The following SHC3 variants were observed in gnomAD, a reference collection of about 807,000 sequenced individuals.
SHC3 encodes SHC adaptor protein 3.
SHC3 carries 15 observed loss-of-function variants against 60.4 expected under a neutral mutation model. That is an observed-to-expected ratio of 0.25 (90% CI 0.17 to 0.38). The LOEUF is 0.38. SHC3 is among the 10% of genes least tolerant of loss of function. The probability of loss-of-function intolerance (pLI) is 1.00; values close to 1 mark genes in which losing one functional copy is unlikely to be tolerated. For synonymous variants in SHC3, 294 were observed against 325.9 expected (o/e 0.90, Z 1.05); for missense variants, 677 against 786.1 (o/e 0.86, Z 1.66).
intron 5 of SHC3, among the ~76,000 whole-genome samples, chr9:89,068,668 TA>T (rs966057964): frequency 3.3e-5 from 5 of 151,068 alleles, no homozygotes; most frequent in African/African-American, 1.2e-4. Flanking sequence ...CAATTTTTTT[TA>T]AAAAAAAATA....
At chr9:89,094,954 A>C (rs944944429) in intron 2 of SHC3, among the ~76,000 whole-genome samples, 49 of 127,686 alleles carry the variant, frequency 3.8e-4, no homozygotes, top group Admixed American at 2.1e-3. Context: ...AACCAACCAA[A>C]CAAACAAACA....
intron 2 of SHC3, among the ~76,000 whole-genome samples, chr9:89,081,903 C>A: frequency 6.6e-6 from 1 of 152,090 alleles, no homozygotes; most frequent in East Asian, 1.9e-4. Context: ...AGCTCCTGAC[C>A]CCTTGGTGAG....
At chr9:89,058,318 G>A (rs1587701349) in intron 6 of SHC3, among the ~76,000 whole-genome samples, 3 of 150,808 alleles carry the variant, frequency 2.0e-5, no homozygotes, top group African/African-American at 7.3e-5. Context: ...GATGGTGGTG[G>A]AGGACATGGT....
intron 1 of SHC3, among the ~76,000 whole-genome samples, chr9:89,145,242 C>T (rs1382385508): frequency 1.3e-5 from 2 of 152,202 alleles, no homozygotes; most frequent in Non-Finnish European, 2.9e-5. Context: ...AATTCACAAA[C>T]ACCATGCATA....
intron 2 of SHC3, among the ~76,000 whole-genome samples, chr9:89,079,704 G>A (rs886636430): frequency 6.6e-6 from 1 of 152,142 alleles, no homozygotes; most frequent in African/African-American, 2.4e-5. Flanking sequence ...GAATTACAAA[G>A]CTCTGAAAAC....
chr9:89,084,263 G>C (rs1326898507), intron 2 of SHC3, among the ~76,000 whole-genome samples: 1 of 152,154 alleles, frequency 6.6e-6, no homozygotes, highest in African/African-American at 2.4e-5. Context: ...CTGTGCTTCA[G>C]CCTTTGGTTT....
intron 1 of SHC3, among the ~76,000 whole-genome samples, chr9:89,120,022 C>A (rs1826070467): frequency 6.6e-6 from 1 of 152,140 alleles, no homozygotes; most frequent in African/African-American, 2.4e-5. Flanking sequence ...TAGCCCAGCG[C>A]CATTGTGCAA....
intron 1 of SHC3, among the ~76,000 whole-genome samples, chr9:89,168,614 GC>G (rs1826824868): frequency 6.6e-6 from 1 of 152,136 alleles, no homozygotes; most frequent in African/African-American, 2.4e-5. Context: ...TCAGCTAGTG[GC>G]CACTCTAGAA....
chr9:89,134,873 T>C (rs1826297461), intron 1 of SHC3, among the ~76,000 whole-genome samples: 1 of 152,148 alleles, frequency 6.6e-6, no homozygotes, highest in Non-Finnish European at 1.5e-5. Flanking sequence ...AAGACTGAAG[T>C]AATCTTTCTG....
At chr9:89,130,093 A>C (rs1826222133) in intron 1 of SHC3, among the ~76,000 whole-genome samples, 1 of 151,814 alleles carries the variant, frequency 6.6e-6, no homozygotes, top group Non-Finnish European at 1.5e-5. Flanking sequence ...ACAAACAAAC[A>C]AAAAAAAGCA....
intron 2 of SHC3, among the ~76,000 whole-genome samples, chr9:89,111,729 C>G (rs1411990379): frequency 6.6e-6 from 1 of 152,158 alleles, no homozygotes. Flanking sequence ...AAAGCTCAAT[C>G]TTTAGACTTG....
At chr9:89,157,703 A>C (rs1031401246) in intron 1 of SHC3, among the ~76,000 whole-genome samples, 3 of 151,878 alleles carry the variant, frequency 2.0e-5, no homozygotes, top group African/African-American at 7.3e-5. Flanking sequence ...GCAACCCCCA[A>C]CTCCCAAGTT....
At chr9:89,087,494 C>T (rs1825550730) in intron 2 of SHC3, among the ~76,000 whole-genome samples, 1 of 152,154 alleles carries the variant, frequency 6.6e-6, no homozygotes. Context: ...GGGACGAGGT[C>T]CACCACAGAG....
chr9:89,047,983 T>C (rs1311263130), intron 7 of SHC3, among the ~76,000 whole-genome samples: 8 of 152,182 alleles, frequency 5.3e-5, no homozygotes, highest in Non-Finnish European at 1.2e-4. Context: ...CAGTGGCTGA[T>C]GCCTGTAATC....
intron 1 of SHC3, among the ~76,000 whole-genome samples, chr9:89,135,411 TAA>T (rs1243774983): frequency 2.6e-5 from 4 of 151,892 alleles, no homozygotes; most frequent in Non-Finnish European, 5.9e-5. Context: ...GGTTTGGCTT[TAA>T]AAAAAAGTCT....
In SHC3 at chr9:89,013,274, G is replaced by T; in HGVS notation, c.*173C>A. The T allele has an allele frequency of 1.5e-6, 1 of 645,644 alleles. No homozygotes were observed. The highest frequency in any genetic ancestry group is 2.3e-6 in the Non-Finnish European group (1 of 427,018). The allele number at this position is 645,644 out of a possible 1,614,324, so 40.0% of individuals were successfully genotyped here. ...GTATGTACACCTTTAATATGCATATGAGAAATTCAGAACCAAGTTTATGAA... is the reference window on the plus strand; with the variant it reads ...GTATGTACACCTTTAATATGCATATTAGAAATTCAGAACCAAGTTTATGAA... On this transcript the variant is annotated 3_prime_UTR_variant, in exon 12 of 12. Transcript: ENST00000375835.
chr9:89,065,627 G>A, intron 5 of SHC3, 47 bp from the exon 6 acceptor site: 1 of 1,588,626 alleles, frequency 6.3e-7, no homozygotes, highest in South Asian at 1.1e-5. Context: ...ACAAGTGAGA[G>A]ACCACACAGT....
chr9:89,061,365 G>C (rs2117966931), intron 6 of SHC3, among the ~76,000 whole-genome samples: 1 of 152,340 alleles, frequency 6.6e-6, no homozygotes, highest in South Asian at 2.1e-4. Flanking sequence ...GCCTACAGCA[G>C]TCCAGGGCCA....
At chr9:89,161,869 A>C (rs1216555831) in intron 1 of SHC3, among the ~76,000 whole-genome samples, 1 of 114,018 alleles carries the variant, frequency 8.8e-6, no homozygotes, top group East Asian at 2.3e-4. Flanking sequence ...AAATCTCCTT[A>C]AGCTGATAAG....
Sources: gnomAD v4.1 joint callset for allele counts (sites outside exome capture counted in the v4.1 genomes callset) on GRCh38, gnomAD v4.1.1 for gene constraint, MANE v1.5 for transcripts, NCBI Gene and HGNC (gene_info 2026-07-23, HGNC 2026-07-21) for gene names.